Variants in CLNK observed in about 807,000 individuals in gnomAD.
CLNK encodes cytokine dependent hematopoietic cell linker.
CLNK carries 74 observed loss-of-function variants against 68.6 expected under a neutral mutation model. The ratio of observed to expected loss-of-function variants is 1.08; its 90% CI spans 0.89 to 1.31. CLNK has a LOEUF of 1.31. CLNK is among the 50% of genes most tolerant of loss of function. CLNK has a pLI of 0.00. For synonymous variants in CLNK, 198 were observed against 172.2 expected, an observed-to-expected ratio of 1.15 and a Z score of -1.17; for missense variants, 553 against 515.3, an observed-to-expected ratio of 1.07 and a Z score of -0.71.
chr4:10,692,046 T>TTTTTC, the CLNK span: 1 of 152,154 alleles, frequency 6.6e-6, no homozygotes, highest in Non-Finnish European at 1.5e-5. Context: ...AAATGTTTTT[T>TTTTTC]TTTTCTTTTC....
rs1189090657 is a variant in CLNK, at chr4:10,557,237, C to T, written c.445+1170G>A. 2.6e-5 allele frequency among the ~76,000 whole-genome samples: 4 copies of T among 152,070 alleles called. No individual in the cohort carries two copies. In the East Asian group the frequency reaches 7.7e-4, roughly 29 times the overall value. On this transcript the variant is annotated intron_variant, in intron 8 of 18. Coordinates refer to ENST00000226951, the MANE Select transcript of CLNK (RefSeq NM_052964.4). Reference sequence around the variant, plus strand: ...TGGCACTTCCTGCTGTGAGTGTACTCCATTTGCCCTCCAGAACCTCCCTCC... The same window carrying T: ...TGGCACTTCCTGCTGTGAGTGTACTTCATTTGCCCTCCAGAACCTCCCTCC...
chr4:10,511,901 T>G (rs1447850226), intron 16 of CLNK, among the ~76,000 whole-genome samples: 1 of 152,246 alleles, frequency 6.6e-6, no homozygotes, highest in African/African-American at 2.4e-5. Flanking sequence ...AAAGTCACTT[T>G]CTACAATATA....
chr4:10,561,614 T>A (rs191628520), intron 7 of CLNK, among the ~76,000 whole-genome samples: 26 of 152,336 alleles, frequency 1.7e-4, no homozygotes, highest in African/African-American at 6.3e-4. Flanking sequence ...CAGAACTGTG[T>A]CTTCAGCCAC....
chr4:10,729,427 G>T, the CLNK span, among the ~76,000 whole-genome samples: 1 of 152,076 alleles, frequency 6.6e-6, no homozygotes, highest in Admixed American at 6.6e-5. Context: ...CTACCCAAAA[G>T]AAAATAAATT....
chr4:10,527,276 C>A (rs1718358196), intron 13 of CLNK, among the ~76,000 whole-genome samples: 1 of 152,162 alleles, frequency 6.6e-6, no homozygotes, highest in African/African-American at 2.4e-5. Flanking sequence ...TTTAGGCCTG[C>A]CAACAACTCC....
chr4:10,727,821 C>A, the CLNK span, among the ~76,000 whole-genome samples: 1 of 152,162 alleles, frequency 6.6e-6, no homozygotes, highest in Admixed American at 6.5e-5. Flanking sequence ...GGTTCCAGGA[C>A]CAGTGACATC....
At chr4:10,522,960 C>T (rs991603257) in intron 14 of CLNK, among the ~76,000 whole-genome samples, 35 of 152,226 alleles carry the variant, frequency 2.3e-4, no homozygotes, top group Admixed American at 7.2e-4. Flanking sequence ...AGGCAAGGAG[C>T]CATGGCCTTT....
At chr4:10,639,747 G>A (rs908760219) in intron 2 of CLNK, among the ~76,000 whole-genome samples, 9 of 152,148 alleles carry the variant, frequency 5.9e-5, no homozygotes, top group African/African-American at 1.2e-4. Flanking sequence ...TGTGGCAAAC[G>A]GCTACCATAT....
At chr4:10,633,612 T>A (rs1028446668) in intron 2 of CLNK, among the ~76,000 whole-genome samples, 9 of 152,180 alleles carry the variant, frequency 5.9e-5, no homozygotes, top group African/African-American at 2.2e-4. Context: ...TGCTCGTAGG[T>A]GTCTATCTGC....
chr4:10,602,739 A>T (rs1015198791), intron 2 of CLNK, among the ~76,000 whole-genome samples: 19 of 152,246 alleles, frequency 1.2e-4, no homozygotes, highest in African/African-American at 4.3e-4. Context: ...CTGTCCCAAG[A>T]GACGAAAAAA....
chr4:10,661,602 T>G (rs1171549000), intron 2 of CLNK, among the ~76,000 whole-genome samples: 1 of 152,228 alleles, frequency 6.6e-6, no homozygotes, highest in East Asian at 1.9e-4. Flanking sequence ...ACTAGCACAG[T>G]GCCTGGCGTG....
the CLNK span, among the ~76,000 whole-genome samples, chr4:10,725,247 CTT>C: frequency 1.3e-5 from 2 of 152,046 alleles, no homozygotes; most frequent in Non-Finnish European, 2.9e-5. Flanking sequence ...GGAGCACACC[CTT>C]TCCACTCTGC....
intron 8 of CLNK, among the ~76,000 whole-genome samples, chr4:10,554,956 G>GAAT (rs1719605392): frequency 6.6e-6 from 1 of 152,178 alleles, no homozygotes; most frequent in Admixed American, 6.5e-5. Context: ...TACCATAGTG[G>GAAT]AATAAACCTT....
At chr4:10,656,038 C>A (rs1243706098) in intron 2 of CLNK, among the ~76,000 whole-genome samples, 5 of 152,054 alleles carry the variant, frequency 3.3e-5, no homozygotes, top group Admixed American at 1.3e-4. Flanking sequence ...AACTCCTCCA[C>A]ACTATACACA....
intron 8 of CLNK, among the ~76,000 whole-genome samples, chr4:10,544,827 G>A (rs539237961): frequency 1.3e-5 from 2 of 152,306 alleles, no homozygotes; most frequent in African/African-American, 4.8e-5. Context: ...GTGACTCTGA[G>A]GTGTACTAAG....
At chr4:10,722,767 C>T in the CLNK span, among the ~76,000 whole-genome samples, 3 of 152,152 alleles carry the variant, frequency 2.0e-5, no homozygotes, top group South Asian at 2.1e-4. Flanking sequence ...ACTCTCTAGA[C>T]GGCAGGGCGT....
At chr4:10,551,521 A>G (rs1403362614) in intron 8 of CLNK, among the ~76,000 whole-genome samples, 1 of 152,070 alleles carries the variant, frequency 6.6e-6, no homozygotes, top group Non-Finnish European at 1.5e-5. Flanking sequence ...CACTGGCCTC[A>G]GCCTCCAAAA....
At chr4:10,534,218 C>T (rs1379116896) in intron 11 of CLNK, among the ~76,000 whole-genome samples, 1 of 152,138 alleles carries the variant, frequency 6.6e-6, no homozygotes, top group Non-Finnish European at 1.5e-5. Context: ...CAGCTTTAAT[C>T]AATGGAATTT....
intron 4 of CLNK, among the ~76,000 whole-genome samples, chr4:10,572,649 A>T: frequency 6.6e-6 from 1 of 152,214 alleles, no homozygotes; most frequent in East Asian, 1.9e-4. Flanking sequence ...CAGAAGCTGC[A>T]TGCTTCCTAG....
Sources: allele counts gnomAD v4.1 joint callset (sites outside exome capture counted in the v4.1 genomes callset), GRCh38; gene constraint gnomAD v4.1.1; transcripts MANE v1.5; gene names NCBI Gene and HGNC (gene_info 2026-07-23, HGNC 2026-07-21).